PARP14: variants seen among roughly 807,000 people sequenced by gnomAD.
PARP14 encodes the protein protein mono-ADP-ribosyltransferase PARP14.
Under a neutral mutation model 154.2 loss-of-function variants are expected in PARP14, and 59 were observed. The observed-to-expected ratio is 0.38, with a 90% CI of 0.31 to 0.48. The LOEUF is 0.48. Among genes scored for constraint, PARP14 ranks in the 20% least tolerant of loss-of-function variants. The probability of loss-of-function intolerance (pLI) is 0.98; values close to 1 mark genes in which losing one functional copy is unlikely to be tolerated. For synonymous variants in PARP14, 720 were observed against 780.5 expected (o/e 0.92, Z 1.29); for missense variants, 1,734 against 2,131.6 (o/e 0.81, Z 3.67).
intron 9 of PARP14, 74 bp from the exon 10 acceptor site, chr3:122,713,350 C>T (rs1939382413): frequency 5.6e-6 from 7 of 1,253,478 alleles, no homozygotes; most frequent in African/African-American, 1.5e-5. Context: ...CAAGAGGGTC[C>T]CATGTGAGCA....
intron 15 of PARP14, among the ~76,000 whole-genome samples, chr3:122,724,760 T>C (rs894889117): frequency 6.6e-6 from 1 of 151,720 alleles, no homozygotes; most frequent in Non-Finnish European, 1.5e-5. Flanking sequence ...AACACGTGAA[T>C]AAAGGACTCT....
At chr3:122,712,983 G>T (rs910250664) in intron 9 of PARP14, among the ~76,000 whole-genome samples, 1 of 152,186 alleles carries the variant, frequency 6.6e-6, no homozygotes, top group Non-Finnish European at 1.5e-5. Flanking sequence ...GGCCACCCTT[G>T]GGTCAAAGCT....
At chr3:122,692,179 A>T in intron 3 of PARP14, 122 bp from the exon 4 acceptor site, 1 of 688,126 alleles carries the variant, frequency 1.5e-6, no homozygotes, top group Non-Finnish European at 2.4e-6. Context: ...AAGGTCTGTT[A>T]TTCTGTGAGT....
chr3:122,725,286 C>A (rs1933260965), intron 15 of PARP14, among the ~76,000 whole-genome samples: 1 of 152,022 alleles, frequency 6.6e-6, no homozygotes, highest in Non-Finnish European at 1.5e-5. Context: ...CACTCCTCAC[C>A]TCCCAGATGG....
Position 122,700,967 on chromosome 3 carries a change from A to C in PARP14, c.2413A>C (p.Ile805Leu), listed in dbSNP as rs1938948725. The change falls in exon 6 of 17, where the codon ATT becomes CTT. Residue 805 changes from isoleucine to leucine, a missense_variant. This residue lies in a region of PARP14 where 1,646 missense variants were observed against 1,976.0 expected (regional missense o/e 0.83). Transcript: ENST00000474629. ...AGTCTTGGCCCCTGGCGTTGTGCTG[A>C]TTGTGCAGCAGGGTGACTTGGCACG... is the stretch of plus-strand genomic sequence containing the variant. Reference protein sequence around the residue: ...RTVLAPGVVLIVQQGDLARLP... With the variant: ...RTVLAPGVVLLVQQGDLARLP... 3 of 1,613,834 alleles carry C rather than the reference A, an allele frequency of 1.9e-6. No individual in the cohort carries two copies. Among genetic ancestry groups the C allele is most frequent in the Non-Finnish European group, 1.7e-6 (2 of 1,179,866 alleles).
chr3:122,682,453 C>T (rs916082748), intron 1 of PARP14, among the ~76,000 whole-genome samples: 2 of 152,096 alleles, frequency 1.3e-5, no homozygotes, highest in Admixed American at 6.5e-5. Flanking sequence ...TGTATTTAAC[C>T]GGCAGCCCAG....
At chr3:122,713,384 T>C (rs1364373279) in intron 9 of PARP14, 40 bp from the exon 10 acceptor site, 2 of 1,575,066 alleles carry the variant, frequency 1.3e-6, no homozygotes, top group Non-Finnish European at 1.7e-6. Context: ...ATTCTTGCTG[T>C]GGCTGACTCG....
In PARP14 at chr3:122,718,956, A is replaced by G; in HGVS notation, c.4805A>G (p.Lys1602Arg). 2 of 1,566,420 alleles carry G rather than the reference A, an allele frequency of 1.3e-6. 1 individual carries two copies. The highest frequency in any genetic ancestry group is 2.4e-5 in the South Asian group (2 of 83,662). ...SLSVQRLTKS[K>R]VDIPAHWSDM... ...TCTGTTCAGCGCCTCACGAAATCCA[A>G]AGGTGAGTTAAACATTCATACTTGT... The change falls in exon 14 of 17, where the codon AAA becomes AGA. Residue 1602 changes from lysine (K) to arginine (R), a missense_variant and splice_region_variant. Around this residue, in one of 2 missense-constraint regions of PARP14, gnomAD observed 1,646 missense variants for 1,976.0 expected, o/e 0.83. Transcript: ENST00000474629.
chr3:122,723,524 G>C (rs1162151125), intron 15 of PARP14, among the ~76,000 whole-genome samples: 2 of 152,120 alleles, frequency 1.3e-5, no homozygotes, highest in Admixed American at 6.5e-5. Context: ...TCTGATTCTT[G>C]ATAATATCAT....
chr3:122,705,457 T>G (rs1265417215), intron 8 of PARP14, among the ~76,000 whole-genome samples: 9 of 152,136 alleles, frequency 5.9e-5, no homozygotes, highest in Non-Finnish European at 2.9e-5. Context: ...ATTAGCACAT[T>G]CCCATGTAAA....
Position 122,701,015 on chromosome 3 carries a change from A to C in PARP14, c.2461A>C (p.Asn821His), listed in dbSNP as rs1342652861. The C allele has an allele frequency of 1.9e-6, 3 of 1,613,962 alleles. No individual in the cohort carries two copies. In the South Asian group the frequency reaches 3.3e-5, roughly 18 times the overall value. The change falls in exon 6 of 17, where the codon AAT (asparagine) becomes CAT (histidine). Residue 821 changes from asparagine (N) to histidine (H), a missense_variant. Physicochemically the swap from Asn to His is moderately conservative, Grantham distance 68. Transcript: ENST00000474629. The surrounding 1 kb of genome is among the most constrained non-coding windows in gnomAD (Gnocchi z 4.0). ...LARLPVDVVV[N>H]ASNEDLKHYG... ...ACGGCTTCCTGTCGATGTGGTGGTGAATGCATCTAATGAGGACCTTAAGCA... is the reference window on the plus strand; with the variant it reads ...ACGGCTTCCTGTCGATGTGGTGGTGCATGCATCTAATGAGGACCTTAAGCA...
rs1017646922 is a variant in PARP14 at position 122,700,071 on chromosome 3, A to G, written c.1517A>G (p.Gln506Arg). ...GAGATTTGTTACGATAGAGTCACTC[A>G]ACACTTGTGCTTGAAAGGACCTAGT... ...EIEICYDRVTQHLCLKGPSAD... is the reference protein window; with the variant it reads ...EIEICYDRVTRHLCLKGPSAD... The change falls in exon 6 of 17, where the codon CAA (glutamine) becomes CGA (arginine). Residue 506 changes from glutamine to arginine, a missense_variant. Gln to Arg is a conservative substitution (Grantham distance 43). Coordinates refer to ENST00000474629, the MANE Select transcript of PARP14 (RefSeq NM_017554.3). 6.2e-6 allele frequency: 10 copies of G among 1,613,772 alleles called. No individual in the cohort carries two copies. Among genetic ancestry groups the G allele is most frequent in the Non-Finnish European group, 8.5e-6 (10 of 1,179,804 alleles).
chr3:122,683,436 A>C, intron 1 of PARP14: 3 of 211,106 alleles, frequency 1.4e-5, no homozygotes, highest in Non-Finnish European at 2.5e-5. Context: ...GCTGTATCTC[A>C]CTTTTATATA....
rs2303883 is a variant in PARP14 at position 122,727,795 on chromosome 3, C to T, written c.4942-17C>T. 0.14 allele frequency: 219,509 copies of T among 1,548,670 alleles called. 16,188 individuals are homozygous for T. Among genetic ancestry groups the T allele is most frequent in the Admixed American group, 0.17 (9,108 of 54,454 alleles). ...GCTCTTGGAACTGGCAGAATATTAT[C>T]CTTTATTAATTTGCAGATTGAGAGG... On this transcript the variant is annotated splice_polypyrimidine_tract_variant and intron_variant, in intron 15 of 16. Transcript: ENST00000474629.
chr3:122,721,412 CCA>C (rs1402579352), intron 15 of PARP14: 1 of 154,186 alleles, frequency 6.5e-6, no homozygotes, highest in Non-Finnish European at 1.4e-5. Context: ...GATGGTGAAA[CCA>C]CGTCTCTACT....
chr3:122,713,679 T>A, intron 10 of PARP14, 106 bp downstream of exon 10: 1 of 1,062,738 alleles, frequency 9.4e-7, no homozygotes, highest in East Asian at 2.4e-5. Flanking sequence ...AATTAATAAC[T>A]TTTAAATTAT....
rs988991960 is a variant in PARP14, at chr3:122,711,901, T to G, written c.3620-1523T>G. Among the ~76,000 whole-genome samples, 12 of 152,304 alleles carry G rather than the reference T, an allele frequency of 7.9e-5. No homozygotes were observed. In the East Asian group the frequency reaches 2.1e-3, roughly 27 times the overall value. ...TGTTCATAGCAGCCTTGAATGATCT[T>G]TTGTATTTCTGAGGCATTGATTGTA... On this transcript the variant is annotated intron_variant, in intron 9 of 16. Coordinates refer to ENST00000474629, the MANE Select transcript of PARP14 (RefSeq NM_017554.3).
chr3:122,728,745 C>G lies in PARP14; in HGVS notation c.*148C>G, dbSNP rs1236490760. On this transcript the variant is annotated 3_prime_UTR_variant, in exon 17 of 17. Coordinates refer to ENST00000474629, the MANE Select transcript of PARP14 (RefSeq NM_017554.3). ...GTCGCTGAAGTCAGTCTTTCTTCAGCTTCCCTTTCATAATGGAAATGAACT... is the reference window on the plus strand; with the variant it reads ...GTCGCTGAAGTCAGTCTTTCTTCAGGTTCCCTTTCATAATGGAAATGAACT... The G allele has an allele frequency of 8.2e-5, 53 of 643,090 alleles. No individual in the cohort carries two copies. In the East Asian group the frequency reaches 1.4e-3, roughly 16 times the overall value. 39.8% of individuals were successfully genotyped at this position (643,090 alleles called of 1,614,324 possible).
chr3:122,728,268 A>G (rs1933339827), intron 16 of PARP14, 40 bp from the exon 17 acceptor site: 5 of 1,549,730 alleles, frequency 3.2e-6, no homozygotes, highest in Non-Finnish European at 3.5e-6. Flanking sequence ...CAAATTTTAC[A>G]TTAACTTGAA....
Sources: allele counts gnomAD v4.1 joint callset (sites outside exome capture counted in the v4.1 genomes callset), GRCh38; gene constraint gnomAD v4.1.1; regional missense constraint gnomAD v4.1.1; non-coding constraint Gnocchi (gnomAD v3.1); transcripts MANE v1.5; gene names NCBI Gene and HGNC (gene_info 2026-07-23, HGNC 2026-07-21).